The following SPPL3 variants were observed in gnomAD, a reference collection of about 807,000 sequenced individuals.
SPPL3 encodes the protein signal peptide peptidase-like 3.
A neutral mutation model predicts 42.4 loss-of-function variants in SPPL3; 5 were observed. That is an observed-to-expected ratio of 0.12 (90% CI 0.06 to 0.25). SPPL3 has a LOEUF of 0.25. Among genes scored for constraint, SPPL3 ranks in the 10% least tolerant of loss-of-function variants. The probability of loss-of-function intolerance (pLI) is 1.00; values close to 1 mark genes in which losing one functional copy is unlikely to be tolerated. For missense variants in SPPL3, 235 were observed against 489.0 expected, an observed-to-expected ratio of 0.48 and a Z score of 4.90; for synonymous variants, 195 against 181.8, an observed-to-expected ratio of 1.07 and a Z score of -0.58.
intron 1 of SPPL3, among the ~76,000 whole-genome samples, chr12:120,876,016 A>ACCCCCCCCCCC (rs36042995): frequency 1.4e-5 from 2 of 144,016 alleles, no homozygotes; most frequent in Non-Finnish European, 3.1e-5. Flanking sequence ...AAACAAACAG[A>ACCCCCCCCCCC]CCCCCCCCAC....
chr12:120,853,979 C>T (rs1872354423), intron 1 of SPPL3, among the ~76,000 whole-genome samples: 1 of 97,356 alleles, frequency 1.0e-5, no homozygotes, highest in African/African-American at 3.8e-5. Context: ...CACACACGCA[C>T]ACATACACAC....
At chr12:120,776,602 TAGTAAAC>T in intron 6 of SPPL3, among the ~76,000 whole-genome samples, 1 of 152,314 alleles carries the variant, frequency 6.6e-6, no homozygotes, top group East Asian at 1.9e-4. Flanking sequence ...AACATACTAT[TAGTAAAC>T]AGGCATTTTT....
intron 10 of SPPL3, among the ~76,000 whole-genome samples, 141 bp downstream of exon 10, chr12:120,766,098 GCGCACACACACACACACACACACA>G (rs1433963586): frequency 5.1e-4 from 74 of 144,152 alleles, no homozygotes; most frequent in African/African-American, 1.5e-3. Flanking sequence ...TAGCGCGCGC[GCGCACACACACACACACACACACA>G]CACACACACA....
intron 1 of SPPL3, among the ~76,000 whole-genome samples, chr12:120,875,269 A>C (rs534785205): frequency 2.0e-5 from 3 of 152,358 alleles, no homozygotes; most frequent in African/African-American, 7.2e-5. Flanking sequence ...AAAAAAATTA[A>C]AATAGAAAAA....
intron 1 of SPPL3, among the ~76,000 whole-genome samples, chr12:120,822,458 T>G (rs1042873353): frequency 2.6e-5 from 4 of 152,174 alleles, no homozygotes; most frequent in African/African-American, 9.7e-5. Flanking sequence ...TTCCAAAATC[T>G]AACTTCAAGA....
At chr12:120,845,534 C>A in intron 1 of SPPL3, 1 of 461,284 alleles carries the variant, frequency 2.2e-6, no homozygotes, top group South Asian at 2.3e-5. Context: ...TCACCATCTC[C>A]CCCAGCTTAA....
intron 1 of SPPL3, chr12:120,902,009 G>A: frequency 2.5e-6 from 2 of 792,722 alleles, no homozygotes; most frequent in Non-Finnish European, 3.1e-6. Context: ...ACAGCCATTA[G>A]GGCCAGAGTA....
intron 8 of SPPL3, 78 bp from the exon 9 acceptor site, chr12:120,767,671 CT>C: frequency 6.8e-7 from 1 of 1,466,938 alleles, no homozygotes; most frequent in Non-Finnish European, 9.4e-7. Context: ...AGTTTGTTAG[CT>C]TTTTAAGGAG....
chr12:120,880,692 C>T (rs952230264), intron 1 of SPPL3, among the ~76,000 whole-genome samples: 3 of 151,678 alleles, frequency 2.0e-5, no homozygotes, highest in Non-Finnish European at 2.9e-5. Flanking sequence ...GAGGCTGAGG[C>T]AGGAGAATCG....
chr12:120,873,578 CAAAAATAAA>C (rs1239643511), intron 1 of SPPL3, among the ~76,000 whole-genome samples: 3 of 152,008 alleles, frequency 2.0e-5, no homozygotes, highest in Non-Finnish European at 4.4e-5. Flanking sequence ...TTCAGAGAAA[CAAAAATAAA>C]AATGAGTCCG....
intron 2 of SPPL3, among the ~76,000 whole-genome samples, chr12:120,799,657 C>A (rs895840058): frequency 6.6e-6 from 1 of 152,128 alleles, no homozygotes; most frequent in African/African-American, 2.4e-5. Flanking sequence ...CTTCTCACTG[C>A]CTCAAACAAG....
intron 4 of SPPL3, chr12:120,784,214 G>T (rs969237634): frequency 6.4e-6 from 2 of 312,900 alleles, no homozygotes; most frequent in Non-Finnish European, 5.9e-6. Flanking sequence ...ATACTGCTCT[G>T]GTGTCATAGA....
chr12:120,845,347 G>T, intron 1 of SPPL3: 1 of 356,872 alleles, frequency 2.8e-6, no homozygotes. Flanking sequence ...CTCCTCGCAG[G>T]CCTCAATCAT....
chr12:120,889,150 T>C (rs1488622880), intron 1 of SPPL3, among the ~76,000 whole-genome samples: 5 of 152,118 alleles, frequency 3.3e-5, no homozygotes, highest in African/African-American at 9.7e-5. Flanking sequence ...TTATAAAATA[T>C]AAACATCAGA....
chr12:120,867,204 A>G (rs1167975542), intron 1 of SPPL3, among the ~76,000 whole-genome samples: 2 of 152,220 alleles, frequency 1.3e-5, no homozygotes, highest in Non-Finnish European at 2.9e-5. Flanking sequence ...GTAACTTAAA[A>G]TTCAGCCATG....
chr12:120,841,177 T>C (rs1871815938), intron 1 of SPPL3, among the ~76,000 whole-genome samples: 1 of 151,668 alleles, frequency 6.6e-6, no homozygotes. Flanking sequence ...AATACAAAAT[T>C]AGCCAGGTGT....
chr12:120,833,405 C>G (rs374968817), intron 1 of SPPL3, among the ~76,000 whole-genome samples: 1 of 152,054 alleles, frequency 6.6e-6, no homozygotes, highest in Non-Finnish European at 1.5e-5. Flanking sequence ...GGAAGAACGT[C>G]TGAATCAAGG....
intron 6 of SPPL3, among the ~76,000 whole-genome samples, chr12:120,780,101 C>T (rs1018216466): frequency 5.3e-5 from 8 of 151,264 alleles, no homozygotes; most frequent in Non-Finnish European, 1.2e-4. Context: ...CTTGTAATCC[C>T]AGTGCTTTGT....
chr12:120,815,820 G>A (rs1404729427), intron 1 of SPPL3, among the ~76,000 whole-genome samples: 1 of 151,898 alleles, frequency 6.6e-6, no homozygotes, highest in East Asian at 1.9e-4. Flanking sequence ...TCCGCCTCCT[G>A]GGTTCAAGCA....
Sources: gnomAD v4.1 joint callset for allele counts (sites outside exome capture counted in the v4.1 genomes callset) on GRCh38, gnomAD v4.1.1 for gene constraint, MANE v1.5 for transcripts, NCBI Gene and HGNC (gene_info 2026-07-23, HGNC 2026-07-21) for gene names.